Variants in CDH13 observed in about 807,000 individuals in gnomAD.
CDH13 encodes the protein cadherin-13.
CDH13 carries 24 observed loss-of-function variants against 63.8 expected under a neutral mutation model. The observed-to-expected ratio is 0.38, with a 90% CI of 0.27 to 0.53. The LOEUF is 0.53. Ranked by LOEUF, CDH13 falls within the 20% of genes least tolerant of loss-of-function variation. CDH13 has a pLI of 0.85. For synonymous variants in CDH13, 503 were observed against 355.3 expected (o/e 1.42, Z -4.67); for missense variants, 1,049 against 903.1 (o/e 1.16, Z -2.07).
chr16:83,737,943 A>G (rs1424436157), intron 10 of CDH13, among the ~76,000 whole-genome samples: 1 of 152,198 alleles, frequency 6.6e-6, no homozygotes, highest in African/African-American at 2.4e-5. Context: ...TAAGGTGGTA[A>G]TATCTACCTC....
chr16:83,187,514 C>T (rs1239512638), intron 4 of CDH13, among the ~76,000 whole-genome samples: 1 of 151,936 alleles, frequency 6.6e-6, no homozygotes, highest in African/African-American at 2.4e-5. Context: ...TACAGCCTGG[C>T]CTGAAGCCTC....
chr16:83,032,414 G>T, intron 3 of CDH13, 196 bp downstream of exon 3: 1 of 575,582 alleles, frequency 1.7e-6, no homozygotes, highest in Admixed American at 3.0e-5. Flanking sequence ...ACTAATTGAG[G>T]CATAGTTCGT....
At chr16:83,422,940 C>G (rs771494340) in intron 6 of CDH13, among the ~76,000 whole-genome samples, 2 of 152,086 alleles carry the variant, frequency 1.3e-5, no homozygotes, top group Non-Finnish European at 2.9e-5. Context: ...CCTGAGTACC[C>G]ACTATATGTA....
At chr16:82,870,835 C>G (rs1002391452) in intron 2 of CDH13, among the ~76,000 whole-genome samples, 8 of 152,178 alleles carry the variant, frequency 5.3e-5, no homozygotes, top group African/African-American at 1.9e-4. Flanking sequence ...TGAATAGTAG[C>G]TGACCTATAA....
chr16:83,251,191 G>A (rs12716969), intron 5 of CDH13, among the ~76,000 whole-genome samples: 20,904 of 151,946 alleles, frequency 0.14, 1,542 homozygotes, highest in Middle Eastern at 0.25. Context: ...GGGGAAAATG[G>A]GTAAAGGGTA....
chr16:83,428,744 G>A (rs189944852), intron 6 of CDH13, among the ~76,000 whole-genome samples: 152 of 152,254 alleles, frequency 1.0e-3, no homozygotes, highest in African/African-American at 3.6e-3. Flanking sequence ...GTTCCTTTGG[G>A]GAATAAGCTA....
intron 6 of CDH13, among the ~76,000 whole-genome samples, chr16:83,347,921 G>T (rs2090872779): frequency 6.6e-6 from 1 of 152,348 alleles, no homozygotes; most frequent in South Asian, 2.1e-4. Flanking sequence ...GCTGGGTGGA[G>T]TGGCTCAAGC....
chr16:82,777,900 C>T (rs1252072519), intron 1 of CDH13, among the ~76,000 whole-genome samples: 2 of 152,180 alleles, frequency 1.3e-5, no homozygotes, highest in African/African-American at 4.8e-5. Context: ...AAGCTCACAA[C>T]AGGACAACTT....
intron 3 of CDH13, among the ~76,000 whole-genome samples, chr16:83,068,956 TAGA>T (rs1555575340): frequency 6.6e-6 from 1 of 152,176 alleles, no homozygotes; most frequent in Non-Finnish European, 1.5e-5. Flanking sequence ...TATGAAGGTT[TAGA>T]AGGTTTGCTG....
chr16:82,873,453 C>T (rs2040408515), intron 2 of CDH13, among the ~76,000 whole-genome samples: 1 of 152,114 alleles, frequency 6.6e-6, no homozygotes, highest in East Asian at 1.9e-4. Flanking sequence ...CAGTAAAGTG[C>T]TCCTGTCATT....
At chr16:83,438,745 A>T (rs2072396136) in intron 6 of CDH13, among the ~76,000 whole-genome samples, 1 of 152,252 alleles carries the variant, frequency 6.6e-6, no homozygotes, top group African/African-American at 2.4e-5. Flanking sequence ...CAAATGACAG[A>T]ATGGTTGTCT....
chr16:83,285,813 A>G (rs1166542388), intron 5 of CDH13, among the ~76,000 whole-genome samples: 1 of 152,168 alleles, frequency 6.6e-6, no homozygotes, highest in Admixed American at 6.5e-5. Context: ...TGGCAGTTTT[A>G]TTAATCATAT....
At chr16:83,601,196 A>G (rs1907756820) in intron 7 of CDH13, among the ~76,000 whole-genome samples, 1 of 152,218 alleles carries the variant, frequency 6.6e-6, no homozygotes, top group Non-Finnish European at 1.5e-5. Flanking sequence ...AGTAAAGGAT[A>G]GGTCCCCAAA....
At chr16:82,825,233 G>A (rs1470040732) in intron 1 of CDH13, 2 of 152,154 alleles carry the variant, frequency 1.3e-5, no homozygotes, top group African/African-American at 4.8e-5. Context: ...TAAGAAAATG[G>A]TCAGACAGCG....
chr16:82,776,936 A>C (rs1208331840), intron 1 of CDH13, among the ~76,000 whole-genome samples: 2 of 152,198 alleles, frequency 1.3e-5, no homozygotes, highest in East Asian at 3.8e-4. Context: ...GCTATGTGCC[A>C]GATACTATGC....
intron 6 of CDH13, among the ~76,000 whole-genome samples, chr16:83,422,264 A>T (rs959508298): frequency 1.3e-5 from 2 of 152,232 alleles, no homozygotes; most frequent in Non-Finnish European, 2.9e-5. Context: ...TCATTGAACT[A>T]AAAATCATAT....
At chr16:83,707,259 G>A (rs1428336053) in intron 10 of CDH13, among the ~76,000 whole-genome samples, 2 of 152,198 alleles carry the variant, frequency 1.3e-5, no homozygotes, top group East Asian at 1.9e-4. Flanking sequence ...TTCAAATACT[G>A]CATGGTCCGT....
At chr16:83,715,834 T>C (rs888216607) in intron 10 of CDH13, among the ~76,000 whole-genome samples, 6 of 152,142 alleles carry the variant, frequency 3.9e-5, no homozygotes, top group Admixed American at 1.3e-4. Flanking sequence ...GGTGGAGTCA[T>C]AGCAATTAGG....
At chr16:83,557,735 G>T (rs1271883962) in intron 7 of CDH13, among the ~76,000 whole-genome samples, 1 of 152,004 alleles carries the variant, frequency 6.6e-6, no homozygotes, top group African/African-American at 2.4e-5. Context: ...ACTGTTACTT[G>T]GTTGGTACCT....
Sources: gnomAD v4.1 joint callset for allele counts (sites outside exome capture counted in the v4.1 genomes callset) on GRCh38, gnomAD v4.1.1 for gene constraint, MANE v1.5 for transcripts, NCBI Gene and HGNC (gene_info 2026-07-23, HGNC 2026-07-21) for gene names.